Variants in LRRIQ1 observed in about 807,000 individuals in gnomAD.
The protein encoded by LRRIQ1 is leucine-rich repeat- and IQ domain-containing protein 1.
A neutral mutation model predicts 211.9 loss-of-function variants in LRRIQ1; 210 were observed. That is an observed-to-expected ratio of 0.99 (90% CI 0.89 to 1.11). LRRIQ1 has a LOEUF of 1.11. Ranked by LOEUF, LRRIQ1 falls within the 50% of genes most tolerant of loss-of-function variation. The probability of loss-of-function intolerance (pLI) is 0.00; values close to 1 mark genes in which losing one functional copy is unlikely to be tolerated. For synonymous variants in LRRIQ1, 699 were observed against 650.1 expected (o/e 1.08, Z -1.14); for missense variants, 2,136 against 1,939.5 (o/e 1.10, Z -1.90).
At position 85,044,729 on chromosome 12, in the gene LRRIQ1, G is replaced by T. The variant is rs1370513860; in HGVS notation, c.256G>T (p.Gly86Ter). The change falls in exon 4 of 27, where the codon GGA becomes TGA. Residue 86 changes from glycine (G) to a stop codon, truncating the protein, a stop_gained. Transcript: ENST00000393217. LOFTEE classifies it high-confidence loss of function. ...TTTTCTTTCTCTAGGCTGTAGTTAT[G>T]GAGCAGTTTCTAATAATCATATGCA... ...EDTDILSCSY[G>*]AVSNNHMHLR... The T allele has an allele frequency of 5.8e-6, 9 of 1,544,198 alleles. No homozygotes were observed. Among genetic ancestry groups the T allele is most frequent in the Non-Finnish European group, 7.1e-6 (8 of 1,122,258 alleles).
chr12:85,160,571 A>G (rs761223047), intron 23 of LRRIQ1, 42 bp from the exon 24 acceptor site: 3 of 1,262,680 alleles, frequency 2.4e-6, no homozygotes, highest in Middle Eastern at 1.9e-4. Context: ...GAAGGAATTA[A>G]CCAAAGATGA....
rs933183071 is a variant in LRRIQ1 at position 85,055,534 on chromosome 12, T to C, written c.754-13T>C. ...AGTTTATGCTGACTACCATGTATCTTACTTTGTTTTAGGAGTATATTAGAA... is the reference window on the plus strand; with the variant it reads ...AGTTTATGCTGACTACCATGTATCTCACTTTGTTTTAGGAGTATATTAGAA... On this transcript the variant is annotated splice_polypyrimidine_tract_variant and intron_variant, in intron 7 of 26. Transcript: ENST00000393217. The C allele has an allele frequency of 6.1e-6, 9 of 1,466,072 alleles. No homozygotes were observed. Among genetic ancestry groups the C allele is most frequent in the Non-Finnish European group, 8.1e-6 (9 of 1,108,546 alleles). 90.8% of individuals were successfully genotyped at this position (1,466,072 alleles called of 1,614,324 possible).
intron 1 of LRRIQ1, among the ~76,000 whole-genome samples, chr12:85,251,617 A>T (rs1895945615): frequency 6.6e-6 from 1 of 151,940 alleles, no homozygotes; most frequent in Non-Finnish European, 1.5e-5. Context: ...GTGGAAAGAA[A>T]TTTGGAGTAG....
chr12:85,184,566 C>T (rs1188368747), intron 24 of LRRIQ1, among the ~76,000 whole-genome samples: 1 of 151,954 alleles, frequency 6.6e-6, no homozygotes, highest in Non-Finnish European at 1.5e-5. Context: ...AAGACCTGTA[C>T]ATTTCAGACA....
intron 24 of LRRIQ1, among the ~76,000 whole-genome samples, chr12:85,201,171 T>G (rs531358271): frequency 6.6e-6 from 1 of 151,702 alleles, no homozygotes; most frequent in African/African-American, 2.4e-5. Context: ...TTTAGTTTGC[T>G]AGTATTTTGT....
At chr12:85,142,226 T>G (rs1033853301) in intron 19 of LRRIQ1, among the ~76,000 whole-genome samples, 8 of 151,462 alleles carry the variant, frequency 5.3e-5, no homozygotes, top group Non-Finnish European at 1.0e-4. Flanking sequence ...CAGGTAACTT[T>G]TAAGGTTGAT....
intron 24 of LRRIQ1, among the ~76,000 whole-genome samples, chr12:85,220,995 A>G (rs1431744268): frequency 6.6e-6 from 1 of 151,846 alleles, no homozygotes; most frequent in Non-Finnish European, 1.5e-5. Flanking sequence ...TATTTTTATT[A>G]GAGATGGGGT....
rs1883272319 is a variant in LRRIQ1 at position 85,073,117 on chromosome 12, T to C, written c.2887+19T>C. On this transcript the variant is annotated intron_variant, in intron 11 of 26. Transcript: ENST00000393217. ...TGGAATTGTAAGTTGTGTTTATTTT[T>C]TATTTTGTTACTCTTTATGGATTTC... 6.4e-7 allele frequency: 1 copy of C among 1,552,852 alleles called. No homozygotes were observed. The highest frequency in any genetic ancestry group is 1.2e-5 in the South Asian group (1 of 86,728).
intron 8 of LRRIQ1, among the ~76,000 whole-genome samples, chr12:85,058,063 C>A (rs1433965840): frequency 6.8e-6 from 1 of 146,172 alleles, no homozygotes; most frequent in Non-Finnish European, 1.5e-5. Context: ...GACTAATAAA[C>A]AAAGAAAACC....
At chr12:85,052,330 T>TTG (rs1592702894) in intron 7 of LRRIQ1, 79 bp downstream of exon 7, 1 of 738,988 alleles carries the variant, frequency 1.4e-6, no homozygotes, top group East Asian at 2.8e-5. Context: ...ATGGTTATTT[T>TTG]TAGATAATGC....
intron 24 of LRRIQ1, among the ~76,000 whole-genome samples, chr12:85,189,781 T>C (rs1021972790): frequency 2.0e-5 from 3 of 146,720 alleles, no homozygotes; most frequent in African/African-American, 7.4e-5. Context: ...TATCTAATAA[T>C]ATATATTATT....
In LRRIQ1 at chr12:85,210,343, C is replaced by T. The variant is rs1041959556; in HGVS notation, c.4823-19174C>T. Among the ~76,000 whole-genome samples, 8 of 152,198 alleles carry T rather than the reference C, an allele frequency of 5.3e-5. No homozygotes were observed. The East Asian group carries it at 7.7e-4, about 15-fold the overall frequency. On this transcript the variant is annotated intron_variant, in intron 24 of 26. Coordinates refer to ENST00000393217, the MANE Select transcript of LRRIQ1 (RefSeq NM_001079910.2). ...ACAGCATATTTCTTGCCAATGCTTA[C>T]GGAAAAACTAATATAATTTTTAGTT...
intron 8 of LRRIQ1, 124 bp from the exon 9 acceptor site, chr12:85,065,138 A>G: frequency 1.4e-6 from 1 of 719,676 alleles, no homozygotes; most frequent in Non-Finnish European, 2.1e-6. Flanking sequence ...TAATAAATGT[A>G]GGCTTCAACA....
chr12:85,228,265 T>G (rs994034406), intron 24 of LRRIQ1, among the ~76,000 whole-genome samples: 2 of 152,158 alleles, frequency 1.3e-5, no homozygotes, highest in African/African-American at 4.8e-5. Flanking sequence ...ATTTTTACGA[T>G]CTACCCATCT....
intron 24 of LRRIQ1, among the ~76,000 whole-genome samples, chr12:85,171,720 C>G (rs1891426384): frequency 1.3e-5 from 2 of 152,144 alleles, no homozygotes; most frequent in South Asian, 4.2e-4. Flanking sequence ...GGCCCATAAT[C>G]CAATAGAATG....
chr12:85,267,385 TA>T (rs1418432062), downstream of LRRIQ1, among the ~76,000 whole-genome samples: 1 of 152,022 alleles, frequency 6.6e-6, no homozygotes, highest in African/African-American at 2.4e-5. Flanking sequence ...TATTAGCCCC[TA>T]AAATTACATG....
At chr12:85,168,322 A>G (rs1423168927) in intron 24 of LRRIQ1, among the ~76,000 whole-genome samples, 1 of 152,118 alleles carries the variant, frequency 6.6e-6, no homozygotes, top group African/African-American at 2.4e-5. Context: ...TGTCCCACTC[A>G]TATTCCGCCT....
In LRRIQ1 at chr12:85,224,281, C is replaced by G. The variant is rs191119739; in HGVS notation, c.4823-5236C>G. On this transcript the variant is annotated intron_variant, in intron 24 of 26. Coordinates refer to ENST00000393217, the MANE Select transcript of LRRIQ1 (RefSeq NM_001079910.2). Reference sequence around the variant, plus strand: ...GAGAGGATGTGGAGAAATAGGAACACTTTTACACTGTTGGTGGGAGTGTAA... The same window carrying G: ...GAGAGGATGTGGAGAAATAGGAACAGTTTTACACTGTTGGTGGGAGTGTAA... Among the ~76,000 whole-genome samples the G allele has an allele frequency of 2.9e-3, 440 of 152,220 alleles. 4 individuals carry two copies. Among genetic ancestry groups the G allele is most frequent in the African/African-American group, 0.01 (425 of 41,542 alleles).
At chr12:85,243,313 TTTATTATTA>T (rs10682844) in intron 26 of LRRIQ1, among the ~76,000 whole-genome samples, 3,322 of 140,710 alleles carry the variant, frequency 0.024, 127 homozygotes, top group East Asian at 0.19. Context: ...ATGTATAACT[TTTATTATTA>T]TTATTATTAT....
Sources: allele counts gnomAD v4.1 joint callset (sites outside exome capture counted in the v4.1 genomes callset), GRCh38; gene constraint gnomAD v4.1.1; transcripts MANE v1.5; gene names NCBI Gene and HGNC (gene_info 2026-07-23, HGNC 2026-07-21).